CDH12: variants seen among roughly 807,000 people sequenced by gnomAD.
CDH12 encodes the protein cadherin 12.
In CDH12, 41 loss-of-function variants were observed where a neutral mutation model predicts 74.1. That is an observed-to-expected ratio of 0.55 (90% CI 0.43 to 0.72). The LOEUF is 0.72. Ranked by LOEUF, CDH12 falls within the 30% of genes least tolerant of loss-of-function variation. CDH12 has a pLI of 0.00. For missense variants in CDH12, 945 were observed against 977.2 expected, an observed-to-expected ratio of 0.97 and a Z score of 0.44; for synonymous variants, 399 against 355.0, an observed-to-expected ratio of 1.12 and a Z score of -1.39.
At chr5:21,781,259 G>A (rs1305151250) in intron 11 of CDH12, among the ~76,000 whole-genome samples, 2 of 152,160 alleles carry the variant, frequency 1.3e-5, no homozygotes, top group African/African-American at 4.8e-5. Context: ...TGCCTGCTAA[G>A]CAAGGGGCCT....
intron 6 of CDH12, among the ~76,000 whole-genome samples, chr5:21,878,355 T>A (rs558647536): frequency 6.6e-4 from 101 of 152,306 alleles, no homozygotes; most frequent in African/African-American, 2.3e-3. Flanking sequence ...AACTTTATTA[T>A]ATTTCATATG....
intron 2 of CDH12, among the ~76,000 whole-genome samples, chr5:22,426,799 A>G (rs1462975653): frequency 6.6e-6 from 1 of 152,208 alleles, no homozygotes; most frequent in African/African-American, 2.4e-5. Flanking sequence ...TATACATGGT[A>G]GAGAAAATGG....
Position 22,360,653 on chromosome 5 carries a change from C to T in CDH12, c.-333+44604G>A, listed in dbSNP as rs182482608. On this transcript the variant is annotated intron_variant, in intron 3 of 14. Transcript: ENST00000382254. ...AAAAGAGAATTTTAGACCAATATCC[C>T]TGATGAACATTGATGCAAAAATCCT... is the stretch of plus-strand genomic sequence containing the variant. Among the ~76,000 whole-genome samples the T allele has an allele frequency of 2.6e-3, 392 of 152,170 alleles. 3 individuals carry two copies. The highest frequency in any genetic ancestry group is 8.9e-3 in the African/African-American group (371 of 41,520).
intron 5 of CDH12, among the ~76,000 whole-genome samples, chr5:21,978,053 T>G (rs955458676): frequency 6.6e-6 from 1 of 152,232 alleles, no homozygotes; most frequent in Non-Finnish European, 1.5e-5. Flanking sequence ...TTGGATATTA[T>G]AAAATTTCCT....
chr5:22,788,615 TAATA>T (rs1169103413), intron 1 of CDH12, among the ~76,000 whole-genome samples: 2 of 148,090 alleles, frequency 1.4e-5, no homozygotes, highest in African/African-American at 2.4e-5. Flanking sequence ...TGAAATATAT[TAATA>T]AATACAATAT....
intron 2 of CDH12, among the ~76,000 whole-genome samples, chr5:22,407,861 C>T (rs1288217910): frequency 6.6e-6 from 1 of 152,092 alleles, no homozygotes; most frequent in Non-Finnish European, 1.5e-5. Flanking sequence ...GACTCCATGT[C>T]TGATTAGACT....
At chr5:22,326,126 G>A (rs569436344) in intron 3 of CDH12, among the ~76,000 whole-genome samples, 29 of 152,088 alleles carry the variant, frequency 1.9e-4, no homozygotes, top group Admixed American at 9.8e-4. Context: ...CTTTTCCCCC[G>A]TTCTCACCTA....
At chr5:22,809,936 G>T (rs557529135) in intron 1 of CDH12, among the ~76,000 whole-genome samples, 1 of 152,086 alleles carries the variant, frequency 6.6e-6, no homozygotes, top group East Asian at 1.9e-4. Context: ...AGATAGTCTA[G>T]AATGTATCCT....
intron 4 of CDH12, among the ~76,000 whole-genome samples, chr5:22,082,845 G>A (rs1490273084): frequency 1.3e-5 from 2 of 152,038 alleles, no homozygotes; most frequent in African/African-American, 4.8e-5. Flanking sequence ...GGCTCTTGTT[G>A]GACACAAATT....
intron 1 of CDH12, among the ~76,000 whole-genome samples, chr5:22,846,063 A>C (rs1414655664): frequency 6.6e-6 from 1 of 152,144 alleles, no homozygotes; most frequent in African/African-American, 2.4e-5. Context: ...GAAGCAGTAG[A>C]ATTGATATTG....
intron 6 of CDH12, among the ~76,000 whole-genome samples, chr5:21,880,607 CCTTCCTTCCT>C (rs1752244276): frequency 1.4e-5 from 1 of 70,086 alleles, no homozygotes; most frequent in African/African-American, 5.1e-5. Flanking sequence ...TTCCTTCCTT[CCTTCCTTCCT>C]TCTTTCTTTC....
At chr5:22,138,519 A>G (rs1338431901) in intron 4 of CDH12, among the ~76,000 whole-genome samples, 1 of 151,294 alleles carries the variant, frequency 6.6e-6, no homozygotes, top group Admixed American at 6.6e-5. Flanking sequence ...AAGTTGGGGA[A>G]AAAAACAAAA....
At chr5:22,556,369 A>G (rs1580761829) in intron 1 of CDH12, among the ~76,000 whole-genome samples, 2 of 152,080 alleles carry the variant, frequency 1.3e-5, no homozygotes, top group Admixed American at 6.6e-5. Flanking sequence ...CAAGTGATCA[A>G]ATACAACTTG....
At chr5:21,880,271 A>T (rs970502695) in intron 6 of CDH12, among the ~76,000 whole-genome samples, 1 of 152,190 alleles carries the variant, frequency 6.6e-6, no homozygotes, top group African/African-American at 2.4e-5. Context: ...CTTACCCTTC[A>T]GTCAACAGTG....
intron 1 of CDH12, among the ~76,000 whole-genome samples, chr5:22,595,723 G>A (rs988779892): frequency 2.6e-5 from 4 of 151,988 alleles, no homozygotes; most frequent in Admixed American, 6.6e-5. Flanking sequence ...CATTTAAACT[G>A]TGAATCCCAT....
intron 1 of CDH12, among the ~76,000 whole-genome samples, chr5:22,738,512 T>C (rs1744858054): frequency 6.6e-6 from 1 of 152,044 alleles, no homozygotes. Context: ...CTAGTTACCT[T>C]GTATACAGGA....
chr5:21,933,733 G>A (rs904895214), intron 6 of CDH12, among the ~76,000 whole-genome samples: 1 of 152,188 alleles, frequency 6.6e-6, no homozygotes, highest in Admixed American at 6.5e-5. Context: ...ATAAGAATGG[G>A]AGATGGTAAT....
At chr5:22,813,170 G>A (rs1466938433) in intron 1 of CDH12, among the ~76,000 whole-genome samples, 1 of 152,150 alleles carries the variant, frequency 6.6e-6, no homozygotes, top group African/African-American at 2.4e-5. Context: ...ACAGCTACTA[G>A]GATGTAAATA....
At chr5:22,494,282 C>A (rs567410806) in intron 2 of CDH12, among the ~76,000 whole-genome samples, 2 of 152,116 alleles carry the variant, frequency 1.3e-5, no homozygotes, top group Admixed American at 6.5e-5. Flanking sequence ...AAGCTGTGCA[C>A]ATTAGGTGAA....
Sources: gnomAD v4.1 joint callset for allele counts (sites outside exome capture counted in the v4.1 genomes callset) on GRCh38, gnomAD v4.1.1 for gene constraint, MANE v1.5 for transcripts, NCBI Gene and HGNC (gene_info 2026-07-23, HGNC 2026-07-21) for gene names.